Variants in PPP2R2C observed in about 807,000 individuals in gnomAD.
PPP2R2C encodes protein phosphatase 2, regulatory subunit B, gamma.
PPP2R2C carries 10 observed loss-of-function variants against 45.3 expected under a neutral mutation model. The observed-to-expected ratio is 0.22, with a 90% CI of 0.14 to 0.37. The LOEUF (loss-of-function observed/expected upper bound fraction) is 0.37. PPP2R2C is among the 10% of genes least tolerant of loss of function. PPP2R2C has a pLI of 1.00. For missense variants in PPP2R2C, 308 were observed against 619.7 expected, an observed-to-expected ratio of 0.50 and a Z score of 5.34; for synonymous variants, 257 against 245.4, an observed-to-expected ratio of 1.05 and a Z score of -0.44.
intron 1 of PPP2R2C, among the ~76,000 whole-genome samples, chr4:6,390,226 G>A (rs1027347939): frequency 7.1e-6 from 1 of 140,642 alleles, no homozygotes; most frequent in Admixed American, 6.9e-5. Context: ...GCAGAGGGAG[G>A]CTGGGGGTGC....
At chr4:6,470,428 G>A (rs1721807122) in intron 1 of PPP2R2C, among the ~76,000 whole-genome samples, 1 of 152,222 alleles carries the variant, frequency 6.6e-6, no homozygotes, top group Non-Finnish European at 1.5e-5. Context: ...GGGAATTAAT[G>A]TTTGAAAATG....
chr4:6,435,976 C>T (rs184604238), intron 1 of PPP2R2C, among the ~76,000 whole-genome samples: 2 of 152,256 alleles, frequency 1.3e-5, no homozygotes, highest in South Asian at 2.1e-4. Context: ...TAGGAAGTAA[C>T]GTCTTTCAGA....
At chr4:6,348,903 G>T in intron 5 of PPP2R2C, 2 of 786,392 alleles carry the variant, frequency 2.5e-6, no homozygotes, top group Non-Finnish European at 3.1e-6. Flanking sequence ...GAACTTTGCT[G>T]CTTGCAAAGG....
At chr4:6,477,730 CAAAAAAAAAAA>C (rs5855918) in intron 2 of PPP2R2C, among the ~76,000 whole-genome samples, 1 of 77,108 alleles carries the variant, frequency 1.3e-5, no homozygotes, top group African/African-American at 6.0e-5. Flanking sequence ...GACTCCGTCT[CAAAAAAAAAAA>C]AAAAAAAAAA....
chr4:6,423,790 T>C (rs1577171722), intron 1 of PPP2R2C, among the ~76,000 whole-genome samples: 2 of 151,200 alleles, frequency 1.3e-5, no homozygotes, highest in Admixed American at 1.3e-4. Flanking sequence ...ATCAGGGAGG[T>C]AGTGGTATGA....
chr4:6,390,820 G>A (rs1365973122), intron 1 of PPP2R2C, among the ~76,000 whole-genome samples: 1 of 152,146 alleles, frequency 6.6e-6, no homozygotes, highest in African/African-American at 2.4e-5. Context: ...TCCAGGCACC[G>A]CCCGGCAGTG....
chr4:6,344,120 A>T (rs1032899066), intron 6 of PPP2R2C, among the ~76,000 whole-genome samples: 1 of 152,178 alleles, frequency 6.6e-6, no homozygotes, highest in African/African-American at 2.4e-5. Context: ...CCCAGGCACA[A>T]TCAAAAGTCC....
Position 6,343,570 on chromosome 4 carries a change from A to G in PPP2R2C, c.790+4276T>C, listed in dbSNP as rs149776927. On this transcript the variant is annotated intron_variant, in intron 6 of 8. Coordinates refer to ENST00000382599, the MANE Select transcript of PPP2R2C (RefSeq NM_020416.4). ...TGTCTCTACTAAAAATACAAAAAAA[A>G]TTAGCCAGGCATGGTGGCACACACC... Among the ~76,000 whole-genome samples, 1,200 of 152,258 alleles carry G rather than the reference A, an allele frequency of 7.9e-3. 15 individuals are homozygous for G. Among genetic ancestry groups the G allele is most frequent in the African/African-American group, 0.027 (1,102 of 41,552 alleles).
intron 2 of PPP2R2C, among the ~76,000 whole-genome samples, chr4:6,512,290 G>A (rs111216427): frequency 6.3e-4 from 69 of 109,980 alleles, no homozygotes; most frequent in African/African-American, 1.5e-3. Context: ...GGTGGTGATG[G>A]TGGCGGTGGT....
At chr4:6,513,331 G>A (rs1410235024) in intron 2 of PPP2R2C, among the ~76,000 whole-genome samples, 10 of 152,192 alleles carry the variant, frequency 6.6e-5, no homozygotes, top group Non-Finnish European at 1.3e-4. Context: ...GCACAGAGAT[G>A]CTGTTTTCTT....
rs187137015 is a variant in PPP2R2C, at chr4:6,509,482, A to T, written c.49+25789T>A. Among the ~76,000 whole-genome samples, 625 of 152,284 alleles carry T rather than the reference A, an allele frequency of 4.1e-3. 4 individuals carry two copies. The highest frequency in any genetic ancestry group is 0.013 in the African/African-American group (524 of 41,544). ...AATCAATTGAGCCTCTGGCAAAAAA[A>T]AAATAAATAAATAAGTGAGGAGGTA... On this transcript the variant is annotated intron_variant, in intron 2 of 9. Transcript: ENST00000506140.
intron 2 of PPP2R2C, among the ~76,000 whole-genome samples, chr4:6,524,724 G>A (rs755487553): frequency 2.6e-5 from 4 of 152,178 alleles, no homozygotes; most frequent in Non-Finnish European, 5.9e-5. Flanking sequence ...CACAAACTAA[G>A]TTAGGTTGCA....
At chr4:6,325,112 C>A (rs1189349678) in intron 8 of PPP2R2C, among the ~76,000 whole-genome samples, 2 of 152,204 alleles carry the variant, frequency 1.3e-5, no homozygotes, top group African/African-American at 2.4e-5. Context: ...GGGGCTTGGG[C>A]TCTGGCCAGT....
chr4:6,416,651 C>T lies in PPP2R2C; in HGVS notation c.71-35557G>A, dbSNP rs190105342. On this transcript the variant is annotated intron_variant, in intron 1 of 8. Coordinates refer to ENST00000382599, the MANE Select transcript of PPP2R2C (RefSeq NM_020416.4). ...TCCCCCATCCTCTGCTGCAGCCACC[C>T]CGATGCGCTGGCCAGGCATGAGCTG... 5.4e-4 allele frequency among the ~76,000 whole-genome samples: 82 copies of T among 152,336 alleles called. No individual in the cohort carries two copies. The East Asian group carries it at 0.012, about 23-fold the overall frequency.
intron 1 of PPP2R2C, among the ~76,000 whole-genome samples, chr4:6,391,520 G>T (rs182985000): frequency 1.1e-3 from 162 of 152,326 alleles, no homozygotes; most frequent in South Asian, 2.3e-3. Flanking sequence ...GCCGGCAGAT[G>T]ATGAGTTACA....
At chr4:6,468,604 A>C (rs1187219714) in intron 1 of PPP2R2C, among the ~76,000 whole-genome samples, 1 of 152,256 alleles carries the variant, frequency 6.6e-6, no homozygotes, top group East Asian at 1.9e-4. Context: ...AGAAAGACCC[A>C]GTCACTGCCA....
upstream of PPP2R2C, among the ~76,000 whole-genome samples, chr4:6,473,087 A>G (rs1722001571): frequency 6.6e-6 from 1 of 152,060 alleles, no homozygotes. Flanking sequence ...GGGAGCATTA[A>G]GTACATGTGA....
At chr4:6,531,936 C>T (rs1430466512) in intron 2 of PPP2R2C, among the ~76,000 whole-genome samples, 2 of 152,202 alleles carry the variant, frequency 1.3e-5, no homozygotes, top group Non-Finnish European at 2.9e-5. Flanking sequence ...CATCGGTCTT[C>T]CCAGGTCTCA....
intron 5 of PPP2R2C, among the ~76,000 whole-genome samples, chr4:6,370,670 A>G (rs1043140348): frequency 3.3e-5 from 5 of 152,212 alleles, no homozygotes; most frequent in African/African-American, 4.8e-5. Flanking sequence ...AGAAGACAGC[A>G]GAGGCAATCA....
Sources: gnomAD v4.1 joint callset for allele counts (sites outside exome capture counted in the v4.1 genomes callset) on GRCh38, gnomAD v4.1.1 for gene constraint, MANE v1.5 for transcripts, NCBI Gene and HGNC (gene_info 2026-07-23, HGNC 2026-07-21) for gene names.